NELL1: variants seen among roughly 807,000 people sequenced by gnomAD.
NELL1 encodes the protein neural EGFL like 1.
Under a neutral mutation model 107.4 loss-of-function variants are expected in NELL1, and 76 were observed. The ratio of observed to expected loss-of-function variants is 0.71; its 90% CI spans 0.59 to 0.86. The LOEUF (loss-of-function observed/expected upper bound fraction) is 0.86, where lower values mean the gene tolerates loss of function less well. Ranked by LOEUF, NELL1 falls within the 40% of genes least tolerant of loss-of-function variation. The pLI, the probability that NELL1 is intolerant of heterozygous loss-of-function variation, is 0.00. For synonymous variants in NELL1, 353 were observed against 341.2 expected, an observed-to-expected ratio of 1.03 and a Z score of -0.38; for missense variants, 1,024 against 1,005.5, an observed-to-expected ratio of 1.02 and a Z score of -0.25.
At chr11:21,304,199 G>T (rs955010887) in intron 14 of NELL1, among the ~76,000 whole-genome samples, 4 of 151,972 alleles carry the variant, frequency 2.6e-5, no homozygotes, top group Non-Finnish European at 5.9e-5. Flanking sequence ...GAGATACAAA[G>T]CCAAAGAAAA....
intron 12 of NELL1, among the ~76,000 whole-genome samples, chr11:21,108,167 G>A (rs1855015514): frequency 6.6e-6 from 1 of 152,102 alleles, no homozygotes; most frequent in African/African-American, 2.4e-5. Flanking sequence ...CCCTCCCTGG[G>A]TTCTTTTTCT....
At position 21,052,575 on chromosome 11, in the gene NELL1, G is replaced by A. The variant is rs184836430; in HGVS notation, c.1301-61014G>A. On this transcript the variant is annotated intron_variant, in intron 12 of 19. Coordinates refer to ENST00000357134, the MANE Select transcript of NELL1 (RefSeq NM_006157.5). The stretch of plus-strand genomic sequence containing the variant: ...TTCTATATGCCAGCTACAGTTCCAG[G>A]TATGAAGAAATAGTGAGGAAGGAAA... 9.9e-5 allele frequency among the ~76,000 whole-genome samples: 15 copies of A among 152,226 alleles called. 1 individual carries two copies. The highest frequency in any genetic ancestry group is 3.3e-4 in the Admixed American group (5 of 15,274).
intron 2 of NELL1, among the ~76,000 whole-genome samples, chr11:20,684,701 T>C (rs1043492446): frequency 3.9e-5 from 6 of 152,124 alleles, no homozygotes; most frequent in Non-Finnish European, 8.8e-5. Flanking sequence ...TAAATACCTT[T>C]GAGTTTTGTT....
rs1852765107 is a variant in NELL1 at position 21,024,264 on chromosome 11, A to T, written c.1300+63704A>T. Among the ~76,000 whole-genome samples, 3 of 152,096 alleles carry T rather than the reference A, an allele frequency of 2.0e-5. No individual in the cohort carries two copies. In the South Asian group the frequency reaches 6.2e-4, roughly 31 times the overall value. On this transcript the variant is annotated intron_variant, in intron 12 of 19. Coordinates refer to ENST00000357134, the MANE Select transcript of NELL1 (RefSeq NM_006157.5). ...AACTTAGAAAATACCTTCTACATTG[A>T]TTTACTTAAAATCAAGTAAGCCAGA...
chr11:21,487,996 T>G (rs79237858), intron 15 of NELL1, among the ~76,000 whole-genome samples: 1 of 152,128 alleles, frequency 6.6e-6, no homozygotes, highest in Admixed American at 6.6e-5. Context: ...ATTCTAAATA[T>G]ATATACATAC....
At chr11:21,182,701 G>A (rs1045235951) in intron 13 of NELL1, among the ~76,000 whole-genome samples, 1 of 151,640 alleles carries the variant, frequency 6.6e-6, no homozygotes, top group Non-Finnish European at 1.5e-5. Flanking sequence ...AATATTTAGA[G>A]GAAAAGAGGC....
intron 13 of NELL1, among the ~76,000 whole-genome samples, chr11:21,148,833 A>T (rs1247561475): frequency 6.6e-6 from 1 of 152,200 alleles, no homozygotes; most frequent in Non-Finnish European, 1.5e-5. Flanking sequence ...TATGCATGAT[A>T]GGCCCAGTGA....
chr11:20,896,548 A>C (rs1440419485), intron 5 of NELL1, among the ~76,000 whole-genome samples: 7 of 152,164 alleles, frequency 4.6e-5, no homozygotes, highest in Non-Finnish European at 2.9e-5. Context: ...AAGAATCTCC[A>C]TACTGTTTTC....
At chr11:20,763,845 G>T (rs1357514730) in intron 2 of NELL1, among the ~76,000 whole-genome samples, 3 of 152,188 alleles carry the variant, frequency 2.0e-5, no homozygotes, top group African/African-American at 7.2e-5. Flanking sequence ...TTTGTGTGGG[G>T]CCTGGGTGAG....
At chr11:21,276,031 G>T (rs557516315) in intron 14 of NELL1, among the ~76,000 whole-genome samples, 2 of 152,252 alleles carry the variant, frequency 1.3e-5, no homozygotes, top group South Asian at 4.1e-4. Flanking sequence ...ATTCAACATA[G>T]TATTGGAAGT....
intron 13 of NELL1, among the ~76,000 whole-genome samples, chr11:21,199,594 A>G (rs1857222830): frequency 1.3e-5 from 2 of 152,186 alleles, no homozygotes; most frequent in Admixed American, 6.6e-5. Context: ...AAAGCTATCA[A>G]TTATGAAGAA....
At chr11:21,527,491 T>G (rs576281843) in intron 15 of NELL1, among the ~76,000 whole-genome samples, 5 of 152,180 alleles carry the variant, frequency 3.3e-5, no homozygotes, top group Admixed American at 3.3e-4. Flanking sequence ...AGCACCCCAC[T>G]CTCAGTACCA....
intron 12 of NELL1, among the ~76,000 whole-genome samples, chr11:21,032,272 C>T (rs1430648700): frequency 6.6e-6 from 1 of 151,966 alleles, no homozygotes; most frequent in Non-Finnish European, 1.5e-5. Context: ...AAGTTGTATC[C>T]TTTATTTCTT....
intron 14 of NELL1, among the ~76,000 whole-genome samples, chr11:21,250,861 G>A (rs958419592): frequency 6.6e-6 from 1 of 152,148 alleles, no homozygotes; most frequent in Non-Finnish European, 1.5e-5. Flanking sequence ...GCTGGTTTGA[G>A]GGGATCAGTA....
At chr11:20,859,697 T>C (rs1489387376) in intron 4 of NELL1, among the ~76,000 whole-genome samples, 1 of 152,210 alleles carries the variant, frequency 6.6e-6, no homozygotes, top group African/African-American at 2.4e-5. Flanking sequence ...AATCAAGGGT[T>C]GGGCAGTAGG....
intron 2 of NELL1, among the ~76,000 whole-genome samples, chr11:20,687,473 T>C (rs1269819959): frequency 6.6e-6 from 1 of 152,150 alleles, no homozygotes; most frequent in Non-Finnish European, 1.5e-5. Flanking sequence ...TGGCTATGTA[T>C]AAACATTTAC....
intron 2 of NELL1, among the ~76,000 whole-genome samples, chr11:20,765,748 G>A (rs765684049): frequency 9.2e-5 from 14 of 152,106 alleles, no homozygotes; most frequent in Non-Finnish European, 1.5e-4. Context: ...GTCTATAGGA[G>A]TACATTGTGT....
chr11:21,115,331 A>AACACACACACACACACACACAC (rs66507806), intron 13 of NELL1, among the ~76,000 whole-genome samples: 1 of 140,616 alleles, frequency 7.1e-6, no homozygotes, highest in Admixed American at 7.1e-5. Flanking sequence ...GTCTACATCA[A>AACACACACACACACACACACAC]ACACACACAC....
At chr11:21,457,652 A>G (rs941772597) in intron 15 of NELL1, among the ~76,000 whole-genome samples, 2 of 152,148 alleles carry the variant, frequency 1.3e-5, no homozygotes, top group African/African-American at 4.8e-5. Flanking sequence ...GACATTTTAC[A>G]TAATTTGCTA....
Sources: gnomAD v4.1 joint callset for allele counts (sites outside exome capture counted in the v4.1 genomes callset) on GRCh38, gnomAD v4.1.1 for gene constraint, MANE v1.5 for transcripts, NCBI Gene and HGNC (gene_info 2026-07-23, HGNC 2026-07-21) for gene names.